Variants in PLIN2 observed in about 807,000 individuals in gnomAD.
PLIN2 encodes perilipin-2.
PLIN2 carries 33 observed loss-of-function variants against 30.6 expected under a neutral mutation model. The observed-to-expected ratio is 1.08, with a 90% CI of 0.82 to 1.44. The LOEUF is 1.44. Among genes scored for constraint, PLIN2 ranks in the 40% most tolerant of loss-of-function variants. The pLI is 0.00. For synonymous variants in PLIN2, 205 were observed against 201.1 expected (o/e 1.02, Z -0.16); for missense variants, 610 against 531.8 (o/e 1.15, Z -1.45).
Position 19,116,590 on chromosome 9 carries a change from C to T in PLIN2, c.972G>A (p.Thr324=), listed in dbSNP as rs758403664. Residue 324 remains threonine (T), a synonymous_variant, in exon 8 of 8, where the codon ACG becomes ACA. Coordinates refer to ENST00000276914, the MANE Select transcript of PLIN2 (RefSeq NM_001122.4). ...GGATGTTGGACAGGAGGGTGTGGCA[C>T]GTGGTCTGGAGCTGCTGAGTCAGGT... The part of the protein sequence containing the change: ...ARNLTQQLQT[T]CHTLLSNIQG... The T allele has an allele frequency of 8.7e-6, 14 of 1,613,878 alleles. No individual in the cohort carries two copies. The highest frequency in any genetic ancestry group is 6.7e-5 in the Admixed American group (4 of 59,958).
intron 3 of PLIN2, among the ~76,000 whole-genome samples, chr9:19,125,098 T>C (rs1053898346): frequency 2.0e-5 from 3 of 152,218 alleles, no homozygotes; most frequent in African/African-American, 7.2e-5. Flanking sequence ...GACTACTAAG[T>C]ATGAGAGTAT....
intron 4 of PLIN2, among the ~76,000 whole-genome samples, chr9:19,121,798 G>C (rs1288599400): frequency 6.6e-6 from 1 of 152,132 alleles, no homozygotes; most frequent in Non-Finnish European, 1.5e-5. Context: ...GGGCGTGGTG[G>C]CACATGCCTG....
chr9:19,114,154 A>G (rs1818191276), downstream of PLIN2, among the ~76,000 whole-genome samples: 1 of 152,034 alleles, frequency 6.6e-6, no homozygotes, highest in Non-Finnish European at 1.5e-5. Flanking sequence ...ACCTCAAGTG[A>G]TCTCTCCACC....
intron 4 of PLIN2, among the ~76,000 whole-genome samples, chr9:19,121,526 AAAAAGAAAAG>A (rs796713587): frequency 1.5e-5 from 2 of 134,130 alleles, no homozygotes; most frequent in Non-Finnish European, 3.3e-5. Context: ...GAAAAGAAAA[AAAAAGAAAAG>A]AAAAGAAGGT....
downstream of PLIN2, among the ~76,000 whole-genome samples, chr9:19,113,276 G>T (rs1818180299): frequency 6.6e-6 from 1 of 152,016 alleles, no homozygotes; most frequent in African/African-American, 2.4e-5. Flanking sequence ...GGAGGTTGCA[G>T]TGAGCTGAGA....
exon 3 of PLIN2, chr9:19,108,503 T>C (rs1329185589): frequency 1.3e-5 from 2 of 152,524 alleles, no homozygotes; most frequent in African/African-American, 4.8e-5. Flanking sequence ...TTAAGACCAA[T>C]GTAGCCAAAA....
Position 19,119,819 on chromosome 9 carries a change from T to C in PLIN2, c.608A>G (p.Lys203Arg). 1 of 1,554,142 alleles carries C rather than the reference T, an allele frequency of 6.4e-7. No homozygotes were observed. ...LTEEELEKEA[K>R]KVEGFDLVQK... ...AACCAGATCAAATCCTTCAACTTTT[T>C]TTGCTTCTTTTTCTGAAGTTAGAAA... The change falls in exon 6 of 8, where the codon AAA becomes AGA. Residue 203 changes from lysine (K) to arginine (R), a missense_variant. Coordinates refer to ENST00000276914, the MANE Select transcript of PLIN2 (RefSeq NM_001122.4).
downstream of PLIN2, among the ~76,000 whole-genome samples, chr9:19,111,433 C>G (rs1227755553): frequency 6.6e-6 from 1 of 152,164 alleles, no homozygotes. Context: ...CCTCTCACCA[C>G]CAATTAAGAG....
intron 4 of PLIN2, among the ~76,000 whole-genome samples, chr9:19,122,655 C>A (rs1259505853): frequency 2.0e-5 from 3 of 151,630 alleles, no homozygotes; most frequent in Non-Finnish European, 4.4e-5. Context: ...ACCACAAGTC[C>A]CTAACCCCCG....
At chr9:19,123,384 T>C (rs1564031583) in intron 4 of PLIN2, 181 bp downstream of exon 4, 5 of 1,551,258 alleles carry the variant, frequency 3.2e-6, no homozygotes, top group Admixed American at 2.0e-5. Flanking sequence ...CTCTGCTTCG[T>C]AGATACAACT....
At chr9:19,112,157 C>T (rs568645886), downstream of PLIN2, among the ~76,000 whole-genome samples, 1 of 152,270 alleles carries the variant, frequency 6.6e-6, no homozygotes, top group South Asian at 2.1e-4. Context: ...GCCAATGCAT[C>T]ATATTCCTTT....
At chr9:19,124,063 G>A (rs1001849903) in intron 3 of PLIN2, among the ~76,000 whole-genome samples, 1 of 150,656 alleles carries the variant, frequency 6.6e-6, no homozygotes, top group African/African-American at 2.4e-5. Flanking sequence ...ACAACAGAAG[G>A]CATTGCCTGG....
At chr9:19,120,640 T>C (rs1357761486) in intron 5 of PLIN2, among the ~76,000 whole-genome samples, 1 of 151,804 alleles carries the variant, frequency 6.6e-6, no homozygotes, top group African/African-American at 2.4e-5. Flanking sequence ...AGCCCAGGAG[T>C]TCGAGATCAG....
intron 3 of PLIN2, 50 bp downstream of exon 3, chr9:19,126,064 C>T: frequency 6.6e-7 from 1 of 1,517,314 alleles, no homozygotes; most frequent in Non-Finnish European, 9.1e-7. Context: ...AGCTCAGGGG[C>T]TCGCCACTGA....
intron 6 of PLIN2, among the ~76,000 whole-genome samples, chr9:19,119,027 A>G (rs540818098): frequency 9.2e-5 from 14 of 152,326 alleles, no homozygotes; most frequent in African/African-American, 2.9e-4. Flanking sequence ...TGAGTAAAGG[A>G]TAAGTTAGCA....
rs992993777 is a variant in PLIN2 at position 19,116,112 on chromosome 9, G to T, written c.*136C>A. 1 of 740,082 alleles carries T rather than the reference G, an allele frequency of 1.4e-6. No individual in the cohort carries two copies. 45.8% of individuals were successfully genotyped at this position (740,082 alleles called of 1,614,324 possible). A position where few individuals can be genotyped will look rare whatever the true frequency, so the allele number is the denominator to read the frequency against. On this transcript the variant is annotated 3_prime_UTR_variant, in exon 8 of 8. Coordinates refer to ENST00000276914, the MANE Select transcript of PLIN2 (RefSeq NM_001122.4). ...CAGAAACTTTAAAGCTCTTAATTCA[G>T]CTGGAAACAACTACAATTGAGGGCC...
chr9:19,122,617 C>G (rs933701431), intron 4 of PLIN2, among the ~76,000 whole-genome samples: 1 of 146,620 alleles, frequency 6.8e-6, no homozygotes, highest in Admixed American at 6.9e-5. Context: ...GGCTATACAC[C>G]ATATAGCCTA....
At chr9:19,113,706 TG>T (rs936403192), downstream of PLIN2, among the ~76,000 whole-genome samples, 1 of 151,378 alleles carries the variant, frequency 6.6e-6, no homozygotes, top group African/African-American at 2.4e-5. Context: ...CCCAAGTAGC[TG>T]GGGTTACAGG....
downstream of PLIN2, among the ~76,000 whole-genome samples, chr9:19,114,422 T>A (rs1398403131): frequency 3.3e-5 from 5 of 151,690 alleles, no homozygotes; most frequent in Non-Finnish European, 5.9e-5. Flanking sequence ...TTTTTTTTTT[T>A]AAGACAGAGT....
Sources: gnomAD v4.1 joint callset for allele counts (sites outside exome capture counted in the v4.1 genomes callset) on GRCh38, gnomAD v4.1.1 for gene constraint, MANE v1.5 for transcripts, NCBI Gene and HGNC (gene_info 2026-07-23, HGNC 2026-07-21) for gene names.